Variants in COLGALT2 observed in about 807,000 individuals in gnomAD.
The protein encoded by COLGALT2 is collagen beta(1-O)galactosyltransferase 2.
A neutral mutation model predicts 73.4 loss-of-function variants in COLGALT2; 49 were observed. That is an observed-to-expected ratio of 0.67 (90% CI 0.53 to 0.85). The LOEUF is 0.85. Among genes scored for constraint, COLGALT2 ranks in the 40% least tolerant of loss-of-function variants. The pLI, the probability that COLGALT2 is intolerant of heterozygous loss-of-function variation, is 0.00. For missense variants in COLGALT2, 722 were observed against 790.2 expected (o/e 0.91, Z 1.03); for synonymous variants, 295 against 307.6 (o/e 0.96, Z 0.43).
chr1:183,950,891 A>C, intron 8 of COLGALT2, 116 bp downstream of exon 8: 1 of 724,904 alleles, frequency 1.4e-6, no homozygotes, highest in Non-Finnish European at 2.4e-6. Flanking sequence ...TTTGAAAATA[A>C]GACTATCCTC....
chr1:183,943,962 G>A (rs1357382745), intron 10 of COLGALT2, among the ~76,000 whole-genome samples: 2 of 152,202 alleles, frequency 1.3e-5, no homozygotes, highest in Non-Finnish European at 2.9e-5. Context: ...TCTGCAGGCC[G>A]ACTCCAGGTC....
At chr1:183,952,530 C>T (rs936820487) in intron 7 of COLGALT2, among the ~76,000 whole-genome samples, 1 of 152,172 alleles carries the variant, frequency 6.6e-6, no homozygotes, top group Non-Finnish European at 1.5e-5. Context: ...TCAGATTGTA[C>T]TGTGTTAAGG....
At chr1:183,930,146 C>A in exon 12 of COLGALT2, 1 of 453,380 alleles carries the variant, frequency 2.2e-6, no homozygotes, top group Non-Finnish European at 4.4e-6. Context: ...GTGGGAAATG[C>A]AGGAGAAACC....
At chr1:183,982,017 A>G (rs560153946) in intron 1 of COLGALT2, among the ~76,000 whole-genome samples, 2 of 152,346 alleles carry the variant, frequency 1.3e-5, no homozygotes, top group Non-Finnish European at 2.9e-5. Context: ...TAGCCTACTT[A>G]AAAACATTAT....
chr1:184,036,289 C>G (rs1056179605), intron 1 of COLGALT2, among the ~76,000 whole-genome samples: 5 of 152,244 alleles, frequency 3.3e-5, no homozygotes, highest in African/African-American at 1.2e-4. Context: ...GTGGGGCGGG[C>G]AGGCACCCGC....
chr1:184,001,983 T>C (rs1671940018), intron 1 of COLGALT2, among the ~76,000 whole-genome samples: 1 of 152,262 alleles, frequency 6.6e-6, no homozygotes, highest in Non-Finnish European at 1.5e-5. Context: ...AAGTACAGCC[T>C]TTGAATGACA....
At chr1:184,027,057 T>C (rs1265141588) in intron 1 of COLGALT2, among the ~76,000 whole-genome samples, 3 of 152,286 alleles carry the variant, frequency 2.0e-5, no homozygotes, top group East Asian at 1.9e-4. Context: ...TTTAAAAAAA[T>C]AGTCACTATT....
intron 1 of COLGALT2, among the ~76,000 whole-genome samples, chr1:184,003,414 G>C (rs1348541386): frequency 6.6e-6 from 1 of 152,154 alleles, no homozygotes. Flanking sequence ...CTACCGAGTA[G>C]ATGATCTACT....
chr1:184,014,372 A>G (rs1335748770), intron 1 of COLGALT2, among the ~76,000 whole-genome samples: 1 of 152,208 alleles, frequency 6.6e-6, no homozygotes. Flanking sequence ...AATGCAGCAG[A>G]AAGGGGACTG....
rs181427787 is a variant in COLGALT2, at chr1:183,982,424, C to T, written c.264-3904G>A. Among the ~76,000 whole-genome samples the T allele has an allele frequency of 1.4e-3, 207 of 152,286 alleles. 1 individual carries two copies. Among genetic ancestry groups the T allele is most frequent in the African/African-American group, 4.1e-3 (170 of 41,566 alleles). On this transcript the variant is annotated intron_variant, in intron 1 of 11. Coordinates refer to ENST00000361927, the MANE Select transcript of COLGALT2 (RefSeq NM_015101.4). ...AACGTCCAGGGTACGCCATGAAGAG[C>T]GCAATGAGAGTCTAACCACTGGTCT...
rs539159017 is a variant in COLGALT2, at chr1:183,997,241, T to G, written c.264-18721A>C. Among the ~76,000 whole-genome samples the G allele has an allele frequency of 3.9e-4, 60 of 152,372 alleles. 1 individual carries two copies. Among genetic ancestry groups the G allele is most frequent in the African/African-American group, 1.3e-3 (56 of 41,590 alleles). ...AAGATTCCCCCCACAGTATTCTGTA[T>G]AGTAAGACATTATAAATTGTTATAT... On this transcript the variant is annotated intron_variant, in intron 1 of 11. Transcript: ENST00000361927.
chr1:184,015,759 AGATG>A (rs1233004742), intron 1 of COLGALT2, among the ~76,000 whole-genome samples: 2 of 152,332 alleles, frequency 1.3e-5, no homozygotes, highest in Middle Eastern at 3.4e-3. Flanking sequence ...CTTTAGTGCC[AGATG>A]ACAAGCCAGG....
chr1:183,952,538 A>G (rs1052522369), intron 7 of COLGALT2, among the ~76,000 whole-genome samples: 9 of 152,216 alleles, frequency 5.9e-5, no homozygotes, highest in Non-Finnish European at 7.3e-5. Context: ...TACTGTGTTA[A>G]GGTTTGGTTC....
rs754967638 is a variant in COLGALT2 at position 184,013,315 on chromosome 1, A to AAAAC, written c.263+23776_263+23779dup. Among the ~76,000 whole-genome samples the AAAAC allele has an allele frequency of 8.5e-5, 13 of 152,322 alleles. No individual in the cohort carries two copies. The South Asian group carries it at 2.1e-3, about 24-fold the overall frequency. On this transcript the variant is annotated intron_variant, in intron 1 of 11. Transcript: ENST00000361927. ...GGGCGACAGAGTCAGACTCCATCTC[A>AAAAC]AAACAAACAAACAAACAAAACAGCA... is the stretch of plus-strand genomic sequence containing the variant.
chr1:183,943,447 A>C (rs1333733962), intron 10 of COLGALT2, among the ~76,000 whole-genome samples: 1 of 152,060 alleles, frequency 6.6e-6, no homozygotes, highest in African/African-American at 2.4e-5. Flanking sequence ...GAGAGAGAGA[A>C]AGGAGGAGGC....
chr1:183,974,948 A>C, intron 3 of COLGALT2, 149 bp downstream of exon 3: 2 of 592,720 alleles, frequency 3.4e-6, no homozygotes, highest in African/African-American at 1.8e-5. Context: ...AAACTACCAA[A>C]AATTTCATTG....
chr1:184,028,090 T>C (rs1298623324), intron 1 of COLGALT2, among the ~76,000 whole-genome samples: 1 of 152,162 alleles, frequency 6.6e-6, no homozygotes, highest in African/African-American at 2.4e-5. Context: ...ACCATAATCA[T>C]TGTGGTGTGT....
chr1:183,990,004 G>A (rs150067908), intron 1 of COLGALT2, among the ~76,000 whole-genome samples: 3 of 152,212 alleles, frequency 2.0e-5, no homozygotes, highest in African/African-American at 7.2e-5. Context: ...TAAGACACAT[G>A]CAAAAAAGTT....
At position 183,976,676 on chromosome 1, in the gene COLGALT2, G is replaced by A. The variant is rs180909309; in HGVS notation, c.375-1462C>T. Among the ~76,000 whole-genome samples the A allele has an allele frequency of 2.4e-4, 37 of 152,106 alleles. 1 individual carries two copies. The East Asian group carries it at 6.0e-3, about 25-fold the overall frequency. On this transcript the variant is annotated intron_variant, in intron 2 of 11. Transcript: ENST00000361927. The stretch of plus-strand genomic sequence containing the variant: ...CAAGAACATGGCTCTGAGGGGAGAG[G>A]GGGAATATAAAGTGTTTATATATTC...
Sources: allele counts gnomAD v4.1 joint callset (sites outside exome capture counted in the v4.1 genomes callset), GRCh38; gene constraint gnomAD v4.1.1; transcripts MANE v1.5; gene names NCBI Gene and HGNC (gene_info 2026-07-23, HGNC 2026-07-21).